SHISA9: variants seen among roughly 807,000 people sequenced by gnomAD.
SHISA9 encodes protein shisa-9.
SHISA9 carries 13 observed loss-of-function variants against 38.0 expected under a neutral mutation model. The observed-to-expected ratio is 0.34, with a 90% CI of 0.22 to 0.54. The LOEUF is 0.54. Ranked by LOEUF, SHISA9 falls within the 20% of genes least tolerant of loss-of-function variation. The pLI is 0.91. For synonymous variants in SHISA9, 275 were observed against 242.0 expected, an observed-to-expected ratio of 1.14 and a Z score of -1.27; for missense variants, 538 against 575.8, an observed-to-expected ratio of 0.93 and a Z score of 0.67.
At chr16:13,342,471 G>A in the SHISA9 span, among the ~76,000 whole-genome samples, 1 of 152,084 alleles carries the variant, frequency 6.6e-6, no homozygotes, top group African/African-American at 2.4e-5. Context: ...TGTATTTTTA[G>A]TAGAGAATTT....
At chr16:13,093,863 A>G (rs2073799820) in intron 2 of SHISA9, among the ~76,000 whole-genome samples, 1 of 152,132 alleles carries the variant, frequency 6.6e-6, no homozygotes, top group African/African-American at 2.4e-5. Context: ...GCTGACTCAG[A>G]CATTCGCTCC....
At chr16:13,073,222 CTT>C (rs1245456928) in intron 2 of SHISA9, among the ~76,000 whole-genome samples, 20 of 137,800 alleles carry the variant, frequency 1.5e-4, no homozygotes, top group South Asian at 2.2e-4. Context: ...CTCTCTCTCT[CTT>C]TTTTTTTTTT....
At chr16:13,011,338 G>C (rs77131573) in intron 2 of SHISA9, among the ~76,000 whole-genome samples, 1 of 68,942 alleles carries the variant, frequency 1.5e-5, no homozygotes. Flanking sequence ...TTTTTTTTTG[G>C]CAAGAGCAGC....
the SHISA9 span, among the ~76,000 whole-genome samples, chr16:13,441,599 G>A: frequency 6.6e-6 from 1 of 152,168 alleles, no homozygotes; most frequent in Non-Finnish European, 1.5e-5. Context: ...AGGGGAGGGT[G>A]CTAAGTGAAA....
intron 1 of SHISA9, among the ~76,000 whole-genome samples, chr16:12,916,027 T>TC (rs1243826636): frequency 6.9e-6 from 1 of 145,816 alleles, no homozygotes; most frequent in Admixed American, 6.9e-5. Context: ...TTTTTTTTTT[T>TC]TTTGCTAAGT....
intron 2 of SHISA9, among the ~76,000 whole-genome samples, chr16:12,946,671 C>T (rs999803050): frequency 1.3e-5 from 2 of 152,188 alleles, no homozygotes; most frequent in African/African-American, 4.8e-5. Context: ...TCTGGCTGTC[C>T]CTCTGGCTGG....
rs1354141331 is a variant in SHISA9 at position 13,015,841 on chromosome 16, T to C, written c.691+99026T>C. Among the ~76,000 whole-genome samples the C allele has an allele frequency of 3.4e-5, 5 of 147,818 alleles. No individual in the cohort carries two copies. In the East Asian group the frequency reaches 9.9e-4, roughly 29 times the overall value. ...TGTTTGTTTCTCTCTCTCTCTTTTC[T>C]TTCTTTCTTTCCCTTTCTTTCTTTC... is the stretch of plus-strand genomic sequence containing the variant. On this transcript the variant is annotated intron_variant, in intron 2 of 4. Coordinates refer to ENST00000558583, the MANE Select transcript of SHISA9 (RefSeq NM_001145204.3).
chr16:13,101,844 C>T (rs1356300792), intron 2 of SHISA9, among the ~76,000 whole-genome samples: 1 of 152,120 alleles, frequency 6.6e-6, no homozygotes, highest in Non-Finnish European at 1.5e-5. Flanking sequence ...GGGATAGGCA[C>T]AATTATTATT....
chr16:13,309,878 C>CTATT, the SHISA9 span, among the ~76,000 whole-genome samples: 2,099 of 151,260 alleles, frequency 0.014, 20 homozygotes, highest in Middle Eastern at 0.072. Flanking sequence ...ATTTACTTAT[C>CTATT]TATTTATTTA....
chr16:13,143,286 A>C (rs989282934), intron 2 of SHISA9, among the ~76,000 whole-genome samples: 34 of 152,262 alleles, frequency 2.2e-4, no homozygotes, highest in African/African-American at 7.5e-4. Flanking sequence ...CTGGGATTAC[A>C]GGCATGAGGT....
intron 2 of SHISA9, among the ~76,000 whole-genome samples, chr16:13,051,583 A>T (rs2073251601): frequency 6.6e-6 from 1 of 152,100 alleles, no homozygotes; most frequent in Non-Finnish European, 1.5e-5. Context: ...ACTTCATGGA[A>T]ATTTAGTGGC....
At chr16:13,114,339 G>A (rs431429) in intron 2 of SHISA9, among the ~76,000 whole-genome samples, 28,036 of 151,002 alleles carry the variant, frequency 0.19, 3,034 homozygotes, top group Admixed American at 0.25. Context: ...GGTGGCGGGC[G>A]CCTGTAGTCC....
At chr16:12,957,335 A>G (rs2071849943) in intron 2 of SHISA9, among the ~76,000 whole-genome samples, 1 of 152,220 alleles carries the variant, frequency 6.6e-6, no homozygotes, top group African/African-American at 2.4e-5. Context: ...ATAATAAAAT[A>G]CCATAGAGTG....
intron 2 of SHISA9, among the ~76,000 whole-genome samples, chr16:13,015,853 CCTTTCTTTCTTTCTTTCTTTCTTT>C (rs201249295): frequency 3.5e-4 from 35 of 98,632 alleles, no homozygotes; most frequent in African/African-American, 8.2e-4. Flanking sequence ...TCTTTCTTTC[CCTTTCTTTCTTTCTTTCTTTCTTT>C]CTTTCTTTCT....
At chr16:13,403,495 T>C in the SHISA9 span, among the ~76,000 whole-genome samples, 1 of 152,190 alleles carries the variant, frequency 6.6e-6, no homozygotes, top group Non-Finnish European at 1.5e-5. Flanking sequence ...CAGAATGCAC[T>C]TCAAGTAGCA....
At chr16:13,473,720 T>G in the SHISA9 span, among the ~76,000 whole-genome samples, 1 of 152,190 alleles carries the variant, frequency 6.6e-6, no homozygotes, top group African/African-American at 2.4e-5. Context: ...TCTTATATTG[T>G]TCAGGGAAGC....
chr16:13,087,770 G>A (rs2073729675), intron 2 of SHISA9, among the ~76,000 whole-genome samples: 1 of 152,210 alleles, frequency 6.6e-6, no homozygotes, highest in Non-Finnish European at 1.5e-5. Context: ...CTCCCATTCT[G>A]TAGGTTGCCT....
the SHISA9 span, among the ~76,000 whole-genome samples, chr16:13,511,864 T>C: frequency 5.9e-5 from 9 of 152,248 alleles, no homozygotes; most frequent in South Asian, 4.1e-4. Context: ...ACCACATTTA[T>C]GTGAAAAAAC....
At chr16:13,234,675 G>A (rs758477127) in intron 4 of SHISA9, among the ~76,000 whole-genome samples, 7 of 152,148 alleles carry the variant, frequency 4.6e-5, no homozygotes, top group Non-Finnish European at 7.4e-5. Flanking sequence ...TTTCTCTAAT[G>A]AAAATGTATC....
Sources: allele counts gnomAD v4.1 joint callset (sites outside exome capture counted in the v4.1 genomes callset), GRCh38; gene constraint gnomAD v4.1.1; transcripts MANE v1.5; gene names NCBI Gene and HGNC (gene_info 2026-07-23, HGNC 2026-07-21).